Variants in CEP152 observed in about 807,000 individuals in gnomAD.
The protein encoded by CEP152 is centrosomal protein 152.
CEP152 carries 132 observed loss-of-function variants against 188.9 expected under a neutral mutation model. The observed-to-expected ratio is 0.70, with a 90% CI of 0.61 to 0.81. CEP152 has a LOEUF of 0.81. CEP152 is among the 30% of genes least tolerant of loss of function. The probability of loss-of-function intolerance (pLI) is 0.00; values close to 1 mark genes in which losing one functional copy is unlikely to be tolerated. For synonymous variants in CEP152, 649 were observed against 666.6 expected, an observed-to-expected ratio of 0.97 and a Z score of 0.41; for missense variants, 1,914 against 1,969.8, an observed-to-expected ratio of 0.97 and a Z score of 0.54.
intron 13 of CEP152, 109 bp downstream of exon 13, chr15:48,772,378 T>C (rs1403240477): frequency 5.4e-6 from 5 of 921,796 alleles, no homozygotes; most frequent in Admixed American, 2.0e-5. Context: ...ACCACTGCCC[T>C]CCAGCCTGGA....
At chr15:48,733,132 C>T (rs1892481967), downstream of CEP152, among the ~76,000 whole-genome samples, 2 of 151,996 alleles carry the variant, frequency 1.3e-5, no homozygotes, top group Non-Finnish European at 2.9e-5. Flanking sequence ...TATCCATTAA[C>T]CAACCACTCT....
At chr15:48,733,289 T>A, downstream of CEP152, among the ~76,000 whole-genome samples, 1 of 152,154 alleles carries the variant, frequency 6.6e-6, no homozygotes, top group East Asian at 1.9e-4. Flanking sequence ...ACACATTGCA[T>A]GCATGTATCA....
In CEP152 at chr15:48,797,320, G is replaced by C; in HGVS notation, c.521C>G (p.Pro174Arg). 1 of 1,614,062 alleles carries C rather than the reference G, an allele frequency of 6.2e-7. No individual in the cohort carries two copies. The highest frequency in any genetic ancestry group is 8.5e-7 in the Non-Finnish European group (1 of 1,179,986). ...QATNVIKFSD[P>R]QWNHFQGPSC... is the part of the protein sequence containing the mutation. Reference sequence around the variant, plus strand: ...CAATACCTGAAAATGGTTCCATTGAGGATCTGAAAATTTAATTACATTGGT... The same window carrying C: ...CAATACCTGAAAATGGTTCCATTGACGATCTGAAAATTTAATTACATTGGT... Residue 174 changes from proline (P) to arginine (R), a missense_variant, in exon 5 of 27, where the codon CCT becomes CGT. Physicochemically the swap from Pro to Arg is moderately radical, Grantham distance 103 (BLOSUM62 -2). Coordinates refer to ENST00000380950, the MANE Select transcript of CEP152 (RefSeq NM_001194998.2).
chr15:48,799,948 A>G (rs1304332254), intron 2 of CEP152, among the ~76,000 whole-genome samples: 1 of 152,250 alleles, frequency 6.6e-6, no homozygotes. Context: ...TACATTAAGT[A>G]AAGACTCCTG....
chr15:48,763,077 A>G (rs1894811607), intron 17 of CEP152, among the ~76,000 whole-genome samples: 1 of 152,158 alleles, frequency 6.6e-6, no homozygotes, highest in African/African-American at 2.4e-5. Context: ...ACGAACCAAA[A>G]CCTGAACAAT....
chr15:48,791,736 C>T (rs993024087), intron 7 of CEP152, among the ~76,000 whole-genome samples: 9 of 151,896 alleles, frequency 5.9e-5, no homozygotes, highest in South Asian at 2.1e-4. Flanking sequence ...AGGCTAGTCT[C>T]GAACTCCTAA....
Position 48,787,963 on chromosome 15 carries a change from A to C in CEP152, c.1173+838T>G, listed in dbSNP as rs1469057595. 2.6e-5 allele frequency among the ~76,000 whole-genome samples: 4 copies of C among 152,358 alleles called. 1 individual carries two copies. The highest frequency in any genetic ancestry group is 4.1e-4 in the South Asian group (2 of 4,832). On this transcript the variant is annotated intron_variant, in intron 9 of 26. Coordinates refer to ENST00000380950, the MANE Select transcript of CEP152 (RefSeq NM_001194998.2). The stretch of plus-strand genomic sequence containing the variant: ...TCAAGATGCAAATCTCATTAAGTCT[A>C]GATCAGACTGTCTTATTTTATAAAT...
At chr15:48,743,262 T>C (rs993527422) in intron 24 of CEP152, among the ~76,000 whole-genome samples, 3 of 152,206 alleles carry the variant, frequency 2.0e-5, no homozygotes, top group Admixed American at 6.5e-5. Context: ...CTACCAATTA[T>C]ATTTGAAACT....
At chr15:48,783,162 G>T (rs979955528) in intron 10 of CEP152, 1 of 152,176 alleles carries the variant, frequency 6.6e-6, no homozygotes, top group Non-Finnish European at 1.5e-5. Context: ...CCAGCAAACA[G>T]GGAAGTTTTG....
chr15:48,735,310 G>A (rs1892557197), downstream of CEP152, among the ~76,000 whole-genome samples: 1 of 152,188 alleles, frequency 6.6e-6, no homozygotes, highest in Admixed American at 6.5e-5. Flanking sequence ...TGAACTAAAT[G>A]AAAACAACAA....
Position 48,782,171 on chromosome 15 carries a change from C to A in CEP152, c.1381G>T (p.Ala461Ser). ...FQLQQAQKAH[A>S]MSANMNKALQ... Reference sequence around the variant, plus strand: ...GCCTTGTTCATGTTTGCACTCATAGCATGTGCCTTCTGTGCTTGCTGCAGC... The same window carrying A: ...GCCTTGTTCATGTTTGCACTCATAGAATGTGCCTTCTGTGCTTGCTGCAGC... Residue 461 changes from alanine to serine, a missense_variant, in exon 11 of 27, where the codon GCT (alanine) becomes TCT (serine). Coordinates refer to ENST00000380950, the MANE Select transcript of CEP152 (RefSeq NM_001194998.2). 6.2e-7 allele frequency: 1 copy of A among 1,613,914 alleles called. No individual in the cohort carries two copies. Among genetic ancestry groups the A allele is most frequent in the East Asian group, 2.2e-5 (1 of 44,874 alleles).
intron 13 of CEP152, 124 bp downstream of exon 13, chr15:48,772,363 T>A: frequency 1.3e-6 from 1 of 794,624 alleles, no homozygotes; most frequent in African/African-American, 1.7e-5. Flanking sequence ...GGGAGCCATG[T>A]TTCCACCACT....
Position 48,744,990 on chromosome 15 carries a change from C to A in CEP152, c.3637G>T (p.Glu1213Ter). 1.3e-6 allele frequency: 2 copies of A among 1,593,176 alleles called. No individual in the cohort carries two copies. Among genetic ancestry groups the A allele is most frequent in the South Asian group, 2.3e-5 (2 of 87,358 alleles). Residue 1213 changes from glutamate (E) to a stop codon, truncating the protein, a stop_gained and splice_region_variant, in exon 23 of 27, where the codon GAG becomes TAG. Coordinates refer to ENST00000380950, the MANE Select transcript of CEP152 (RefSeq NM_001194998.2). LOFTEE classifies it high-confidence loss of function. Reference protein sequence around the residue: ...HKAVVEKIGEENNKVVEELIE... With the variant: ...HKAVVEKIGE ...AATTCTTCAACAACTTTATTATTCT[C>A]TTCTATAACAGAAAGTTTATAGTAT...
chr15:48,762,326 T>A (rs1370040513), intron 18 of CEP152, 65 bp downstream of exon 18: 18 of 1,387,480 alleles, frequency 1.3e-5, no homozygotes, highest in Non-Finnish European at 1.8e-5. Flanking sequence ...ATGATAGCAT[T>A]GTATGGGTTT....
chr15:48,744,151 G>A, intron 24 of CEP152, 89 bp downstream of exon 24: 1 of 1,556,788 alleles, frequency 6.4e-7, no homozygotes. Flanking sequence ...TTCCCTAGAA[G>A]AACTACTGCT....
chr15:48,767,240 A>G (rs778225582), intron 16 of CEP152, 48 bp from the exon 17 acceptor site: 2 of 1,613,860 alleles, frequency 1.2e-6, no homozygotes, highest in South Asian at 2.2e-5. Flanking sequence ...ACAAAAAAAT[A>G]CAAGAGCTGC....
Position 48,781,266 on chromosome 15 carries a change from T to C in CEP152, c.1507A>G (p.Ile503Val), listed in dbSNP as rs770314820. 5.0e-6 allele frequency: 8 copies of C among 1,613,388 alleles called. No homozygotes were observed. The highest frequency in any genetic ancestry group is 6.8e-6 in the Non-Finnish European group (8 of 1,179,602). ...TCCACATACGATTCAGTGAGTTCTA[T>C]ATTTAATTCTCCTTCTGAGTCACTT... ...HPSDSEGELN[I>V]ELTESYVDLG... The change falls in exon 12 of 27, where the codon ATA becomes GTA. Residue 503 changes from isoleucine to valine, a missense_variant. Ile to Val is a conservative substitution (Grantham distance 29). Transcript: ENST00000380950.
chr15:48,772,347 G>C, intron 13 of CEP152, 140 bp downstream of exon 13: 1 of 717,660 alleles, frequency 1.4e-6, no homozygotes, highest in Non-Finnish European at 2.4e-6. Context: ...GGAGGTTGAG[G>C]CTACAGGGAG....
chr15:48,774,878 T>A (rs965732915), intron 12 of CEP152, among the ~76,000 whole-genome samples: 1 of 152,058 alleles, frequency 6.6e-6, no homozygotes, highest in Non-Finnish European at 1.5e-5. Flanking sequence ...ATTATATCTC[T>A]GCTTTATGAA....
Sources: allele counts gnomAD v4.1 joint callset (sites outside exome capture counted in the v4.1 genomes callset), GRCh38; gene constraint gnomAD v4.1.1; transcripts MANE v1.5; gene names NCBI Gene and HGNC (gene_info 2026-07-23, HGNC 2026-07-21).